Variants in SNTG1 observed in about 807,000 individuals in gnomAD.
The protein encoded by SNTG1 is gamma-1-syntrophin.
SNTG1 carries 39 observed loss-of-function variants against 74.7 expected under a neutral mutation model. That is an observed-to-expected ratio of 0.52 (90% CI 0.40 to 0.68). SNTG1 has a LOEUF of 0.68. SNTG1 is among the 30% of genes least tolerant of loss of function. SNTG1 has a pLI of 0.00. For synonymous variants in SNTG1, 254 were observed against 217.1 expected (o/e 1.17, Z -1.49); for missense variants, 685 against 609.5 (o/e 1.12, Z -1.30).
chr8:49,930,312 A>C (rs1391017278), intron 1 of SNTG1, among the ~76,000 whole-genome samples: 1 of 152,074 alleles, frequency 6.6e-6, no homozygotes, highest in Non-Finnish European at 1.5e-5. Flanking sequence ...CAGTGAGGCA[A>C]GGTTATTCTA....
intron 1 of SNTG1, among the ~76,000 whole-genome samples, chr8:49,991,194 T>C (rs752019167): frequency 9.9e-5 from 15 of 152,072 alleles, no homozygotes; most frequent in African/African-American, 3.6e-4. Flanking sequence ...AAAAAGATGA[T>C]CAACATCTTT....
At chr8:50,725,720 G>T (rs2095498488) in intron 17 of SNTG1, among the ~76,000 whole-genome samples, 1 of 152,098 alleles carries the variant, frequency 6.6e-6, no homozygotes, top group African/African-American at 2.4e-5. Context: ...TACTTCCCCT[G>T]CAATAGACCT....
chr8:49,939,331 T>G (rs537028660), intron 1 of SNTG1, among the ~76,000 whole-genome samples: 1 of 152,354 alleles, frequency 6.6e-6, no homozygotes. Context: ...CATTAGGCCC[T>G]CATCTATAGC....
chr8:49,964,938 A>C (rs1811010786), intron 1 of SNTG1, among the ~76,000 whole-genome samples: 1 of 152,220 alleles, frequency 6.6e-6, no homozygotes. Context: ...CATTAGAAAT[A>C]GAATTTAATA....
chr8:50,693,087 T>C (rs1263472557), intron 15 of SNTG1, among the ~76,000 whole-genome samples: 1 of 152,162 alleles, frequency 6.6e-6, no homozygotes, highest in Non-Finnish European at 1.5e-5. Flanking sequence ...GTGCCCTTTT[T>C]TTAAGCCCAT....
At position 50,066,293 on chromosome 8, in the gene SNTG1, G is replaced by A. The variant is rs548735109; in HGVS notation, c.-102-106268G>A. Among the ~76,000 whole-genome samples the A allele has an allele frequency of 1.1e-4, 16 of 151,602 alleles. 1 individual carries two copies. The highest frequency in any genetic ancestry group is 3.1e-4 in the African/African-American group (13 of 41,298). On this transcript the variant is annotated intron_variant, in intron 1 of 18. Coordinates refer to ENST00000642720, the MANE Select transcript of SNTG1 (RefSeq NM_018967.5). ...TGGCTCTTCCTCCCAACTTTACTGCGGTATACTTGACAAATAAAAATTATA... is the reference window on the plus strand; with the variant it reads ...TGGCTCTTCCTCCCAACTTTACTGCAGTATACTTGACAAATAAAAATTATA...
intron 2 of SNTG1, among the ~76,000 whole-genome samples, chr8:50,239,194 G>T (rs1012534963): frequency 3.9e-5 from 6 of 152,166 alleles, no homozygotes; most frequent in African/African-American, 1.4e-4. Context: ...GCACATCTAT[G>T]TTCATCACAG....
At position 50,276,403 on chromosome 8, in the gene SNTG1, A is replaced by G. The variant is rs1033322313; in HGVS notation, c.-28+103768A>G. On this transcript the variant is annotated intron_variant, in intron 2 of 18. Transcript: ENST00000642720. ...TATATATATATATATATATATATAT[A>G]TATATAAATCATATATTAACTAACT... Among the ~76,000 whole-genome samples, 91 of 142,612 alleles carry G rather than the reference A, an allele frequency of 6.4e-4. 1 individual carries two copies. Among genetic ancestry groups the G allele is most frequent in the Non-Finnish European group, 1.1e-3 (74 of 64,744 alleles). The allele number at this position is 142,612 out of a possible 152,430, so 93.6% of individuals were successfully genotyped here. A position where few individuals can be genotyped will look rare whatever the true frequency, so the allele number is the denominator to read the frequency against.
intron 1 of SNTG1, among the ~76,000 whole-genome samples, chr8:49,976,831 A>G (rs970899240): frequency 1.3e-5 from 2 of 152,132 alleles, no homozygotes; most frequent in African/African-American, 4.8e-5. Flanking sequence ...AGCCACCACC[A>G]TATTTTAAGC....
chr8:50,663,176 A>G (rs543358798), intron 15 of SNTG1, among the ~76,000 whole-genome samples: 162 of 152,230 alleles, frequency 1.1e-3, no homozygotes, highest in African/African-American at 3.6e-3. Context: ...ACAAAGAAGT[A>G]TGTGTCCCTT....
intron 1 of SNTG1, among the ~76,000 whole-genome samples, chr8:50,118,303 G>A (rs1384321550): frequency 1.4e-5 from 2 of 147,970 alleles, no homozygotes; most frequent in African/African-American, 2.6e-5. Flanking sequence ...TTCCCCTTCA[G>A]GTTTTAAAAA....
intron 13 of SNTG1, among the ~76,000 whole-genome samples, chr8:50,598,411 G>A (rs1400531587): frequency 6.6e-6 from 1 of 151,816 alleles, no homozygotes; most frequent in African/African-American, 2.4e-5. Context: ...TTTATTCTTA[G>A]GTTTTCTTTT....
chr8:50,471,257 T>TG (rs397743541), intron 8 of SNTG1, among the ~76,000 whole-genome samples: 1 of 151,630 alleles, frequency 6.6e-6, no homozygotes, highest in African/African-American at 2.4e-5. Context: ...TTTTTTTTTT[T>TG]GGAGACACCC....
chr8:50,162,898 C>T (rs1330250246), intron 1 of SNTG1, among the ~76,000 whole-genome samples: 1 of 152,192 alleles, frequency 6.6e-6, no homozygotes, highest in African/African-American at 2.4e-5. Context: ...GACCCAGAAA[C>T]TTTCTCGCAT....
At chr8:50,771,994 C>T (rs1344405652) in intron 18 of SNTG1, among the ~76,000 whole-genome samples, 3 of 152,060 alleles carry the variant, frequency 2.0e-5, no homozygotes, top group African/African-American at 7.2e-5. Context: ...AACCTGCAGG[C>T]CCAGGCAGAG....
chr8:50,261,841 G>C (rs1183123790), intron 2 of SNTG1, among the ~76,000 whole-genome samples: 1 of 152,014 alleles, frequency 6.6e-6, no homozygotes, highest in Non-Finnish European at 1.5e-5. Context: ...ACCATAGAAG[G>C]CTGAAAAAGA....
chr8:50,760,678 T>A (rs879494167), intron 18 of SNTG1, among the ~76,000 whole-genome samples: 1 of 151,764 alleles, frequency 6.6e-6, no homozygotes, highest in South Asian at 2.1e-4. Context: ...ACAAAAAAAA[T>A]GATAAAAAGA....
Position 50,770,219 on chromosome 8 carries a change from C to A in SNTG1, c.1395+18108C>A, listed in dbSNP as rs556322114. ...AATGTGGGCTGGATTTTCAGAATGG[C>A]ATAGTAATGACTTTTGAAATTCCAC... On this transcript the variant is annotated intron_variant, in intron 18 of 18. Transcript: ENST00000642720. Among the ~76,000 whole-genome samples, 15 of 152,058 alleles carry A rather than the reference C, an allele frequency of 9.9e-5. No homozygotes were observed. In the East Asian group the frequency reaches 2.9e-3, roughly 30 times the overall value.
chr8:50,428,591 A>T (rs60528549), intron 4 of SNTG1, among the ~76,000 whole-genome samples: 1 of 152,176 alleles, frequency 6.6e-6, no homozygotes, highest in Non-Finnish European at 1.5e-5. Context: ...ACCTGCTACA[A>T]ACTACAATTT....
Sources: gnomAD v4.1 joint callset for allele counts (sites outside exome capture counted in the v4.1 genomes callset) on GRCh38, gnomAD v4.1.1 for gene constraint, MANE v1.5 for transcripts, NCBI Gene and HGNC (gene_info 2026-07-23, HGNC 2026-07-21) for gene names.